The following SGCD variants were observed in gnomAD, a reference collection of about 807,000 sequenced individuals.
SGCD encodes the protein sarcoglycan delta, also known as delta-sarcoglycan.
Under a neutral mutation model 36.6 loss-of-function variants are expected in SGCD, and 18 were observed. That is an observed-to-expected ratio of 0.49 (90% confidence interval 0.34 to 0.73). The LOEUF is 0.73. Ranked by LOEUF, SGCD falls within the 30% of genes least tolerant of loss-of-function variation. The probability of loss-of-function intolerance (pLI) is 0.01; values close to 1 mark genes in which losing one functional copy is unlikely to be tolerated. For missense variants in SGCD, 387 were observed against 346.7 expected, an observed-to-expected ratio of 1.12 and a Z score of -0.92; for synonymous variants, 133 against 130.6, an observed-to-expected ratio of 1.02 and a Z score of -0.12.
At chr5:156,119,454 G>C (rs1402742275) in intron 2 of SGCD, among the ~76,000 whole-genome samples, 1 of 152,084 alleles carries the variant, frequency 6.6e-6, no homozygotes, top group Non-Finnish European at 1.5e-5. Flanking sequence ...GGGAAGCATT[G>C]TTGGCAACAG....
intron 7 of SGCD, among the ~76,000 whole-genome samples, chr5:156,720,231 A>T (rs1190483934): frequency 6.6e-6 from 1 of 152,220 alleles, no homozygotes; most frequent in African/African-American, 2.4e-5. Flanking sequence ...AGGAGATGCA[A>T]CAGGCCATAT....
At chr5:156,395,706 G>C (rs1771810660) in intron 3 of SGCD, among the ~76,000 whole-genome samples, 1 of 152,178 alleles carries the variant, frequency 6.6e-6, no homozygotes, top group Admixed American at 6.5e-5. Flanking sequence ...AGAGGAAAAG[G>C]ATCATTAGCG....
chr5:155,837,019 T>C, the SGCD span, among the ~76,000 whole-genome samples: 1 of 152,196 alleles, frequency 6.6e-6, no homozygotes, highest in African/African-American at 2.4e-5. Flanking sequence ...ATTTGTATTG[T>C]TTTGTTTCTG....
At chr5:156,567,225 T>C (rs1397061745) in intron 4 of SGCD, among the ~76,000 whole-genome samples, 1 of 152,090 alleles carries the variant, frequency 6.6e-6, no homozygotes, top group Non-Finnish European at 1.5e-5. Flanking sequence ...CTTTTCAATA[T>C]ATTTACTACC....
At chr5:156,454,426 A>G (rs1754163699) in intron 3 of SGCD, among the ~76,000 whole-genome samples, 1 of 152,180 alleles carries the variant, frequency 6.6e-6, no homozygotes, top group South Asian at 2.1e-4. Context: ...TTACCCAAGG[A>G]AGGCTAAACT....
chr5:155,913,393 C>T (rs559116214), intron 1 of SGCD, among the ~76,000 whole-genome samples: 55 of 152,176 alleles, frequency 3.6e-4, no homozygotes, highest in Non-Finnish European at 7.4e-4. Context: ...TAGAAGAACA[C>T]GATGAAAAAT....
At chr5:155,905,501 G>C (rs1228453571) in intron 1 of SGCD, among the ~76,000 whole-genome samples, 1 of 152,118 alleles carries the variant, frequency 6.6e-6, no homozygotes, top group Admixed American at 6.6e-5. Flanking sequence ...GACTGAGCCT[G>C]GCACTGTGAA....
At chr5:156,749,041 AG>A (rs1297287589) in intron 7 of SGCD, among the ~76,000 whole-genome samples, 3 of 152,176 alleles carry the variant, frequency 2.0e-5, no homozygotes, top group Non-Finnish European at 4.4e-5. Flanking sequence ...CTAGGATTAT[AG>A]GCGTGAGCCA....
chr5:156,457,335 G>A (rs1298869005), intron 3 of SGCD, among the ~76,000 whole-genome samples: 2 of 152,024 alleles, frequency 1.3e-5, no homozygotes, highest in African/African-American at 4.8e-5. Flanking sequence ...CTTGACATTC[G>A]CTGATTGAAT....
intron 3 of SGCD, among the ~76,000 whole-genome samples, chr5:156,191,665 A>G (rs1249238326): frequency 6.6e-6 from 1 of 152,152 alleles, no homozygotes; most frequent in Non-Finnish European, 1.5e-5. Flanking sequence ...TTCTGAGCTT[A>G]GTGGCTATAC....
the SGCD span, among the ~76,000 whole-genome samples, chr5:155,851,816 G>A: frequency 0.6 from 91,457 of 152,090 alleles, 29,269 homozygotes; most frequent in African/African-American, 0.82. Flanking sequence ...TGTGGGAAAC[G>A]GTGTAGTATA....
At chr5:155,835,002 A>ATTTTT in the SGCD span, among the ~76,000 whole-genome samples, 6,128 of 60,038 alleles carry the variant, frequency 0.1, 1,012 homozygotes, top group East Asian at 0.19. Flanking sequence ...TGCCCAGCTA[A>ATTTTT]TTTTTTTTTT....
At chr5:156,612,430 G>A (rs1306737448) in intron 6 of SGCD, among the ~76,000 whole-genome samples, 1 of 152,226 alleles carries the variant, frequency 6.6e-6, no homozygotes, top group African/African-American at 2.4e-5. Flanking sequence ...TGAAGGTACT[G>A]AACTGGTGGT....
At chr5:156,487,692 G>A (rs1183218871) in intron 3 of SGCD, among the ~76,000 whole-genome samples, 1 of 148,704 alleles carries the variant, frequency 6.7e-6, no homozygotes, top group Non-Finnish European at 1.5e-5. Flanking sequence ...GGAGGCTGAG[G>A]CAGGAGAATT....
intron 1 of SGCD, among the ~76,000 whole-genome samples, chr5:156,072,666 G>A (rs965388505): frequency 6.6e-6 from 1 of 152,134 alleles, no homozygotes; most frequent in Admixed American, 6.6e-5. Context: ...TCCTGAATCT[G>A]AATGTTGGCC....
intron 3 of SGCD, among the ~76,000 whole-genome samples, chr5:156,394,395 G>C (rs1187124835): frequency 1.3e-5 from 2 of 152,144 alleles, no homozygotes; most frequent in Non-Finnish European, 2.9e-5. Flanking sequence ...TCAGAAAATA[G>C]CTGGAAAACC....
At chr5:156,721,549 T>A (rs1755501669) in intron 7 of SGCD, among the ~76,000 whole-genome samples, 1 of 151,980 alleles carries the variant, frequency 6.6e-6, no homozygotes, top group East Asian at 1.9e-4. Context: ...TTTAAAGGAG[T>A]TTTGATATCA....
At chr5:155,890,141 A>G (rs1336741901) in intron 1 of SGCD, among the ~76,000 whole-genome samples, 3 of 152,238 alleles carry the variant, frequency 2.0e-5, no homozygotes, top group South Asian at 2.1e-4. Context: ...TTGGAAAGCC[A>G]TGATGAACCA....
At chr5:155,818,964 T>C in the SGCD span, among the ~76,000 whole-genome samples, 3 of 152,170 alleles carry the variant, frequency 2.0e-5, no homozygotes, top group African/African-American at 7.2e-5. Context: ...GAACTTTCTG[T>C]AAATTGTTTG....
Sources: allele counts gnomAD v4.1 joint callset (sites outside exome capture counted in the v4.1 genomes callset), GRCh38; gene constraint gnomAD v4.1.1; transcripts MANE v1.5; gene names NCBI Gene and HGNC (gene_info 2026-07-23, HGNC 2026-07-21).